TGFBRAP1: variants seen among roughly 807,000 people sequenced by gnomAD.
The protein encoded by TGFBRAP1 is transforming growth factor beta receptor associated protein 1.
Under a neutral mutation model 83.2 loss-of-function variants are expected in TGFBRAP1, and 20 were observed. The observed-to-expected ratio is 0.24, with a 90% CI of 0.17 to 0.35. TGFBRAP1 has a LOEUF of 0.35. Ranked by LOEUF, TGFBRAP1 falls within the 10% of genes least tolerant of loss-of-function variation. TGFBRAP1 has a pLI of 1.00. For missense variants in TGFBRAP1, 950 were observed against 1,099.4 expected (o/e 0.86, Z 1.92); for synonymous variants, 415 against 459.8 (o/e 0.90, Z 1.25).
intron 4 of TGFBRAP1, among the ~76,000 whole-genome samples, chr2:105,290,613 GAC>G (rs1677874127): frequency 1.4e-5 from 2 of 140,278 alleles, no homozygotes; most frequent in African/African-American, 2.7e-5. Context: ...GAAACAGAGA[GAC>G]AGTGTGTGTG....
At chr2:105,295,420 A>G (rs909246673) in intron 4 of TGFBRAP1, among the ~76,000 whole-genome samples, 1 of 152,218 alleles carries the variant, frequency 6.6e-6, no homozygotes, top group African/African-American at 2.4e-5. Context: ...GTACAACCTA[A>G]TAACTCATCA....
At chr2:105,259,315 C>T in the TGFBRAP1 span, among the ~76,000 whole-genome samples, 1 of 152,154 alleles carries the variant, frequency 6.6e-6, no homozygotes, top group Admixed American at 6.5e-5. Flanking sequence ...ACCAGCCCTT[C>T]CCCTCCCAAG....
intron 1 of TGFBRAP1, among the ~76,000 whole-genome samples, chr2:105,318,936 A>T (rs1678969611): frequency 6.6e-6 from 1 of 152,112 alleles, no homozygotes; most frequent in South Asian, 2.1e-4. Context: ...TCTCAGTTTC[A>T]ACCAGTTCAA....
At chr2:105,313,228 C>A (rs1397988381) in intron 1 of TGFBRAP1, among the ~76,000 whole-genome samples, 1 of 152,200 alleles carries the variant, frequency 6.6e-6, no homozygotes, top group Non-Finnish European at 1.5e-5. Flanking sequence ...GGGGTGGGCG[C>A]CACAGATTTT....
intron 4 of TGFBRAP1, among the ~76,000 whole-genome samples, chr2:105,290,914 G>A (rs766969873): frequency 6.6e-6 from 1 of 152,130 alleles, no homozygotes; most frequent in Non-Finnish European, 1.5e-5. Context: ...GCTGAGGCAG[G>A]AGAATCCCTT....
At chr2:105,304,058 G>T (rs1421038904) in intron 2 of TGFBRAP1, among the ~76,000 whole-genome samples, 5 of 152,164 alleles carry the variant, frequency 3.3e-5, no homozygotes, top group African/African-American at 1.2e-4. Context: ...TTAAACATAA[G>T]TGTATATATA....
At chr2:105,294,057 T>A (rs2104365727) in intron 4 of TGFBRAP1, among the ~76,000 whole-genome samples, 1 of 152,272 alleles carries the variant, frequency 6.6e-6, no homozygotes, top group East Asian at 1.9e-4. Context: ...AAGGGCCCTG[T>A]GGGAAGCGCC....
chr2:105,298,578 G>C lies in TGFBRAP1; in HGVS notation c.816C>G (p.Ser272Arg). The C allele has an allele frequency of 6.2e-7, 1 of 1,614,106 alleles. No individual in the cohort carries two copies. The highest frequency in any genetic ancestry group is 1.1e-5 in the South Asian group (1 of 91,042). ...ALDDEFITVH[S>R]MLDQQQKQTL... is the part of the protein sequence containing the mutation. Reference sequence around the variant, plus strand: ...TCTGCTTCTGTTGCTGATCCAACATGCTGTGGACTGTGATGAATTCGTCAT... The same window carrying C: ...TCTGCTTCTGTTGCTGATCCAACATCCTGTGGACTGTGATGAATTCGTCAT... Residue 272 changes from serine to arginine, a missense_variant, in exon 3 of 12, where the codon AGC (serine) becomes AGG (arginine). Coordinates refer to ENST00000393359, the MANE Select transcript of TGFBRAP1 (RefSeq NM_004257.6).
chr2:105,252,387 G>A, the TGFBRAP1 span, among the ~76,000 whole-genome samples: 2 of 152,204 alleles, frequency 1.3e-5, no homozygotes, highest in Non-Finnish European at 2.9e-5. Context: ...AATTCTCTCT[G>A]GAATCTGAAG....
At chr2:105,256,525 C>A in the TGFBRAP1 span, among the ~76,000 whole-genome samples, 2 of 152,056 alleles carry the variant, frequency 1.3e-5, no homozygotes, top group East Asian at 3.9e-4. Context: ...ACAATGTAAA[C>A]GTCTAAAGAG....
intron 1 of TGFBRAP1, among the ~76,000 whole-genome samples, chr2:105,321,857 A>G (rs1018377453): frequency 6.6e-6 from 1 of 152,214 alleles, no homozygotes; most frequent in African/African-American, 2.4e-5. Context: ...AATTACATAC[A>G]GTATGTAGTA....
chr2:105,309,550 T>C (rs1385800921), intron 1 of TGFBRAP1, among the ~76,000 whole-genome samples: 1 of 152,178 alleles, frequency 6.6e-6, no homozygotes, highest in Non-Finnish European at 1.5e-5. Flanking sequence ...CTTTGGTGCC[T>C]TTCAAATAGA....
chr2:105,303,064 G>C (rs1272623538), intron 2 of TGFBRAP1, among the ~76,000 whole-genome samples: 2 of 152,194 alleles, frequency 1.3e-5, no homozygotes. Flanking sequence ...CTTTGGTGTG[G>C]TTGAAAGGAG....
rs1179061465 is a variant in TGFBRAP1 at position 105,280,391 on chromosome 2, T to C, written c.1454A>G (p.Lys485Arg). The change falls in exon 6 of 12, where the codon AAG (lysine) becomes AGG (arginine). Residue 485 changes from lysine to arginine, a missense_variant. Coordinates refer to ENST00000393359, the MANE Select transcript of TGFBRAP1 (RefSeq NM_004257.6). Reference protein sequence around the residue: ...LLTDSAAWLEKHKKYFALGLL... With the variant: ...LLTDSAAWLERHKKYFALGLL... ...GGAAGGGAACACTCACTTTTTGTGC[T>C]TCTCTAGCCAGGCAGCACTGTCCGT... 4 of 1,612,970 alleles carry C rather than the reference T, an allele frequency of 2.5e-6. No homozygotes were observed. Among genetic ancestry groups the C allele is most frequent in the Non-Finnish European group, 3.4e-6 (4 of 1,179,452 alleles).
chr2:105,280,380 A>G lies in TGFBRAP1; in HGVS notation c.1463+2T>C. 1 of 1,611,972 alleles carries G rather than the reference A, an allele frequency of 6.2e-7. No individual in the cohort carries two copies. Among genetic ancestry groups the G allele is most frequent in the Non-Finnish European group, 8.5e-7 (1 of 1,178,946 alleles). ...TGATCATATCAGGAAGGGAACACTC[A>G]CTTTTTGTGCTTCTCTAGCCAGGCA... On this transcript the variant is annotated splice_donor_variant, in intron 6 of 11. Transcript: ENST00000393359. LOFTEE classifies it high-confidence loss of function.
chr2:105,275,327 C>T (rs368738480), intron 8 of TGFBRAP1, among the ~76,000 whole-genome samples: 19 of 152,166 alleles, frequency 1.2e-4, no homozygotes, highest in South Asian at 4.1e-4. Context: ...AGTGACTTGC[C>T]CCAGCAAGGG....
At chr2:105,252,920 T>A in the TGFBRAP1 span, among the ~76,000 whole-genome samples, 2 of 150,350 alleles carry the variant, frequency 1.3e-5, no homozygotes, top group Non-Finnish European at 3.0e-5. Context: ...ACCCGGACAA[T>A]TTTTTTTGTA....
chr2:105,276,155 T>C (rs1250953423), intron 7 of TGFBRAP1, among the ~76,000 whole-genome samples: 2 of 152,186 alleles, frequency 1.3e-5, no homozygotes, highest in Non-Finnish European at 2.9e-5. Context: ...GATAGGCAGA[T>C]GTTGTGCTTT....
In TGFBRAP1 at chr2:105,269,504, T is replaced by A. The variant is rs2241797; in HGVS notation, c.2174A>T (p.His725Leu). ...LFHTLLAIYL[H>L]AGPTAHELAV... ...CAGCTCGTGGGCAGTGGGGCCAGCA[T>A]GCAGGTAGATGGCCAGCAGCGTGTG... The change falls in exon 11 of 12, where the codon CAT becomes CTT. Residue 725 changes from histidine (H) to leucine (L), a missense_variant. Transcript: ENST00000393359. This position sits in a 1 kb window ranked among gnomAD's most constrained non-coding sequence, Gnocchi z 4.1. 3.7e-6 allele frequency: 6 copies of A among 1,612,290 alleles called. No individual in the cohort carries two copies. The highest frequency in any genetic ancestry group is 5.1e-6 in the Non-Finnish European group (6 of 1,179,186).
Sources: allele counts gnomAD v4.1 joint callset (sites outside exome capture counted in the v4.1 genomes callset), GRCh38; gene constraint gnomAD v4.1.1; non-coding constraint Gnocchi (gnomAD v3.1); transcripts MANE v1.5; gene names NCBI Gene and HGNC (gene_info 2026-07-23, HGNC 2026-07-21).